Variants in SIL1 observed in about 807,000 individuals in gnomAD.
SIL1 encodes the protein SIL1 nucleotide exchange factor, also known as nucleotide exchange factor SIL1.
A neutral mutation model predicts 49.1 loss-of-function variants in SIL1; 40 were observed. The observed-to-expected ratio is 0.81, with a 90% confidence interval of 0.63 to 1.06. SIL1 has a LOEUF of 1.06. SIL1 is among the 50% of genes least tolerant of loss of function. SIL1 has a pLI of 0.00. For missense variants in SIL1, 500 were observed against 572.6 expected, an observed-to-expected ratio of 0.87 and a Z score of 1.29; for synonymous variants, 253 against 250.8, an observed-to-expected ratio of 1.01 and a Z score of -0.08.
At chr5:139,033,391 A>T (rs1370568176) in intron 5 of SIL1, among the ~76,000 whole-genome samples, 2 of 149,184 alleles carry the variant, frequency 1.3e-5, no homozygotes, top group Non-Finnish European at 3.0e-5. Flanking sequence ...TCTGCTCTTT[A>T]TTTCCTTCCT....
intron 3 of SIL1, among the ~76,000 whole-genome samples, chr5:139,070,772 C>T (rs961515836): frequency 1.3e-5 from 2 of 152,142 alleles, no homozygotes; most frequent in African/African-American, 4.8e-5. Context: ...TGGTCATCTT[C>T]AGAGGATCAA....
At chr5:139,122,299 C>T (rs1424968166) in intron 2 of SIL1, among the ~76,000 whole-genome samples, 1 of 152,120 alleles carries the variant, frequency 6.6e-6, no homozygotes, top group East Asian at 1.9e-4. Context: ...TTTCAACTAA[C>T]ACCTCATTCT....
intron 3 of SIL1, among the ~76,000 whole-genome samples, chr5:139,116,261 A>G (rs897581808): frequency 2.0e-5 from 3 of 152,244 alleles, no homozygotes; most frequent in African/African-American, 4.8e-5. Context: ...CTGGTGCTCT[A>G]TAATTCTTGG....
chr5:139,036,627 A>G (rs988895179), intron 5 of SIL1, among the ~76,000 whole-genome samples: 1 of 152,362 alleles, frequency 6.6e-6, no homozygotes, highest in South Asian at 2.1e-4. Context: ...GTTCTCTCTT[A>G]TAAGTGGGAG....
chr5:139,019,550 G>C (rs1308485684), intron 7 of SIL1, among the ~76,000 whole-genome samples: 2 of 152,166 alleles, frequency 1.3e-5, no homozygotes, highest in African/African-American at 2.4e-5. Context: ...AGTTGATGCT[G>C]CATAAATGTT....
intron 7 of SIL1, among the ~76,000 whole-genome samples, chr5:139,020,724 G>A (rs183810734): frequency 7.2e-5 from 11 of 152,250 alleles, no homozygotes; most frequent in Admixed American, 5.2e-4. Flanking sequence ...TAGAGAGGGC[G>A]ATAATCTGAC....
chr5:139,001,937 G>A (rs1340756694), intron 7 of SIL1, among the ~76,000 whole-genome samples: 1 of 151,290 alleles, frequency 6.6e-6, no homozygotes, highest in Non-Finnish European at 1.5e-5. Flanking sequence ...TAGGCCAGGA[G>A]TGATGGCTCA....
intron 1 of SIL1, among the ~76,000 whole-genome samples, chr5:139,184,223 A>G (rs1186024042): frequency 6.6e-6 from 1 of 152,202 alleles, no homozygotes; most frequent in Non-Finnish European, 1.5e-5. Flanking sequence ...AAGAATTCCA[A>G]AGAGGACTGC....
At chr5:138,994,055 T>C (rs1220693669) in intron 7 of SIL1, among the ~76,000 whole-genome samples, 1 of 152,158 alleles carries the variant, frequency 6.6e-6, no homozygotes, top group African/African-American at 2.4e-5. Context: ...CTATGGAAGA[T>C]ATCATATTTA....
chr5:139,100,362 G>A (rs1433150062), intron 3 of SIL1, among the ~76,000 whole-genome samples: 1 of 152,168 alleles, frequency 6.6e-6, no homozygotes, highest in African/African-American at 2.4e-5. Context: ...ACAAGAGCAA[G>A]ACCAGAGTGA....
chr5:139,007,436 A>G (rs1370709795), intron 7 of SIL1, among the ~76,000 whole-genome samples: 1 of 128,028 alleles, frequency 7.8e-6, no homozygotes, highest in African/African-American at 3.4e-5. Context: ...TCTTTTCCTA[A>G]TTGAATATCC....
chr5:139,074,595 T>TC, intron 3 of SIL1, among the ~76,000 whole-genome samples: 1 of 152,276 alleles, frequency 6.6e-6, no homozygotes, highest in Non-Finnish European at 1.5e-5. Flanking sequence ...ATGCCTTTAT[T>TC]CCACATGACC....
At chr5:138,962,155 C>T (rs770243133) in intron 7 of SIL1, among the ~76,000 whole-genome samples, 2 of 151,944 alleles carry the variant, frequency 1.3e-5, no homozygotes, top group African/African-American at 4.8e-5. Flanking sequence ...ATACCCCGTG[C>T]ACCACGCCAG....
chr5:139,139,967 A>G (rs1751049120), intron 1 of SIL1, among the ~76,000 whole-genome samples: 1 of 151,856 alleles, frequency 6.6e-6, no homozygotes, highest in African/African-American at 2.4e-5. Flanking sequence ...CATCTCTACT[A>G]AAAAATACAA....
chr5:139,100,710 CAG>C (rs1434606305), intron 3 of SIL1, among the ~76,000 whole-genome samples: 1 of 152,106 alleles, frequency 6.6e-6, no homozygotes, highest in African/African-American at 2.4e-5. Flanking sequence ...GATCGGCTGT[CAG>C]ACAGAATGTG....
rs375127543 is a variant in SIL1 at position 139,043,669 on chromosome 5, C to A, written c.354-950G>T. ...ATAATCTCAGGAACCTGCCAAAGAC[C>A]AGAATGGTCTCCTCACAAAATTCCC... is the stretch of plus-strand genomic sequence containing the variant. On this transcript the variant is annotated intron_variant, in intron 4 of 9. Coordinates refer to ENST00000394817, the MANE Select transcript of SIL1 (RefSeq NM_022464.5). 5.9e-5 allele frequency among the ~76,000 whole-genome samples: 9 copies of A among 152,274 alleles called. No homozygotes were observed. In the East Asian group the frequency reaches 1.4e-3, roughly 23 times the overall value.
rs749583780 is a variant in SIL1, at chr5:139,047,487, G to A, written c.353+3451C>T. Among the ~76,000 whole-genome samples the A allele has an allele frequency of 3.9e-5, 6 of 152,256 alleles. No homozygotes were observed. In the East Asian group the frequency reaches 5.8e-4, roughly 15 times the overall value. ...ACTGCCATGAATTTTGGATTAATGG[G>A]CTGTCCCCATCTCCCTCTAGGCCAA... On this transcript the variant is annotated intron_variant, in intron 4 of 9. Transcript: ENST00000394817.
At chr5:139,193,203 T>C (rs1216782272) in intron 1 of SIL1, among the ~76,000 whole-genome samples, 1 of 152,080 alleles carries the variant, frequency 6.6e-6, no homozygotes, top group Non-Finnish European at 1.5e-5. Flanking sequence ...GATATTACAA[T>C]GGTTTGTGGC....
rs181263844 is a variant in SIL1 at position 139,099,273 on chromosome 5, C to G, written c.244+21762G>C. ...AAATGGCTTATATCCAAAAAACAGG[C>G]AATAGCAAATGCTGGAGAGGATGTG... On this transcript the variant is annotated intron_variant, in intron 3 of 9. Transcript: ENST00000394817. Among the ~76,000 whole-genome samples the G allele has an allele frequency of 1.9e-4, 29 of 152,202 alleles. No homozygotes were observed. The East Asian group carries it at 4.1e-3, about 21-fold the overall frequency.
Sources: gnomAD v4.1 joint callset for allele counts (sites outside exome capture counted in the v4.1 genomes callset) on GRCh38, gnomAD v4.1.1 for gene constraint, MANE v1.5 for transcripts, NCBI Gene and HGNC (gene_info 2026-07-23, HGNC 2026-07-21) for gene names.